The following GLYATL1 variants were observed in gnomAD, a reference collection of about 807,000 sequenced individuals.
GLYATL1 encodes glycine-N-acyltransferase like 1.
In GLYATL1, 15 loss-of-function variants were observed where a neutral mutation model predicts 20.0. The observed-to-expected ratio is 0.75, with a 90% CI of 0.50 to 1.15. The LOEUF is 1.15. Among genes scored for constraint, GLYATL1 ranks in the 50% most tolerant of loss-of-function variants. GLYATL1 has a pLI of 0.00. For missense variants in GLYATL1, 380 were observed against 368.5 expected (o/e 1.03, Z -0.26); for synonymous variants, 151 against 131.5 (o/e 1.15, Z -1.01).
upstream of GLYATL1, among the ~76,000 whole-genome samples, chr11:58,938,338 C>G (rs1855929788): frequency 6.6e-6 from 1 of 152,148 alleles, no homozygotes; most frequent in Non-Finnish European, 1.5e-5. Context: ...CATGATGGAC[C>G]TGCAAAGTCC....
rs866520606 is a variant in GLYATL1 at position 58,954,770 on chromosome 11, G to A, written c.187G>A (p.Glu63Lys). ...CCTGATCTTATATCATCCAATACAG[G>A]AGATGACTGATGACATGGATTCATA... ...QMVIIRPQKQ[E>K]MTDDMDSYTN... The change falls in exon 5 of 7, where the codon GAG (glutamate) becomes AAG (lysine). Residue 63 changes from glutamate (E) to lysine (K), a missense_variant and splice_region_variant. Coordinates refer to ENST00000532726, the MANE Select transcript of GLYATL1 (RefSeq NM_001389712.2). The A allele has an allele frequency of 6.2e-7, 1 of 1,602,414 alleles. No homozygotes were observed. Among genetic ancestry groups the A allele is most frequent in the South Asian group, 1.1e-5 (1 of 88,342 alleles).
At chr11:58,919,857 T>G (rs1855265878) in intron 1 of GLYATL1, among the ~76,000 whole-genome samples, 1 of 152,194 alleles carries the variant, frequency 6.6e-6, no homozygotes, top group Non-Finnish European at 1.5e-5. Flanking sequence ...CTAGCAATGT[T>G]TCTTGTGCCA....
chr11:58,909,488 C>G (rs924229649), downstream of GLYATL1, among the ~76,000 whole-genome samples: 2 of 152,150 alleles, frequency 1.3e-5, no homozygotes, highest in Admixed American at 1.3e-4. Flanking sequence ...TATCTCCACA[C>G]TCATCAAGTT....
Position 58,956,048 on chromosome 11 carries a change from T to A in GLYATL1, c.*21T>A, listed in dbSNP as rs546998355. The A allele has an allele frequency of 1.9e-6, 3 of 1,594,174 alleles. No homozygotes were observed. In the Admixed American group the frequency reaches 5.1e-5, roughly 27 times the overall value. On this transcript the variant is annotated 3_prime_UTR_variant, in exon 7 of 7. Coordinates refer to ENST00000532726, the MANE Select transcript of GLYATL1 (RefSeq NM_001389712.2). ...TTTAGACAATGAAGCTGCTTAGTAA[T>A]CTCTGCCAAGCCATCTCTTAATATT...
intron 4 of GLYATL1, among the ~76,000 whole-genome samples, chr11:58,953,390 G>GTT (rs377318573): frequency 0.015 from 1,628 of 110,876 alleles, 22 homozygotes; most frequent in Middle Eastern, 0.036. Context: ...CTTACAGTCT[G>GTT]TTTTTTTTTT....
At chr11:58,950,735 C>A (rs1267884249) in intron 4 of GLYATL1, among the ~76,000 whole-genome samples, 1 of 152,044 alleles carries the variant, frequency 6.6e-6, no homozygotes, top group Non-Finnish European at 1.5e-5. Context: ...GAATATTATC[C>A]CTCTTTTAAT....
upstream of GLYATL1, among the ~76,000 whole-genome samples, chr11:58,938,398 A>G (rs1434785488): frequency 6.6e-6 from 1 of 152,222 alleles, no homozygotes; most frequent in Non-Finnish European, 1.5e-5. Context: ...ACCTAGAATC[A>G]GAGATCTCTC....
Position 58,947,914 on chromosome 11 carries a change from G to C in GLYATL1, c.135G>C (p.Leu45=). The change falls in exon 4 of 7, where the codon CTG becomes CTC. Residue 45 remains leucine (L), a synonymous_variant. Transcript: ENST00000532726. ...GGAACCCCTTCAACATGGAGGTGCT[G>C]GTGGATTCCTGGCCTGAATATCAGA... ...NHGNPFNMEV[L]VDSWPEYQMV... is the part of the protein sequence containing the mutation. 2 of 1,614,046 alleles carry C rather than the reference G, an allele frequency of 1.2e-6. No individual in the cohort carries two copies. The highest frequency in any genetic ancestry group is 1.7e-6 in the Non-Finnish European group (2 of 1,179,968).
chr11:58,954,039 G>C (rs1402367522), intron 4 of GLYATL1, among the ~76,000 whole-genome samples: 4 of 152,148 alleles, frequency 2.6e-5, no homozygotes, highest in Non-Finnish European at 5.9e-5. Flanking sequence ...GTGGGCTTCT[G>C]GGTGTAAAGC....
chr11:58,945,772 CA>C (rs1038043121), intron 2 of GLYATL1, among the ~76,000 whole-genome samples: 23 of 152,004 alleles, frequency 1.5e-4, no homozygotes, highest in African/African-American at 5.3e-4. Flanking sequence ...CAGAGTCAGA[CA>C]GGGGATAGGC....
At chr11:58,942,966 T>C (rs1194276877) in intron 1 of GLYATL1, among the ~76,000 whole-genome samples, 2 of 152,180 alleles carry the variant, frequency 1.3e-5, no homozygotes, top group Admixed American at 6.5e-5. Flanking sequence ...AATTGACCAC[T>C]GGATTTAATA....
At chr11:58,954,214 G>A (rs1259546945) in intron 4 of GLYATL1, among the ~76,000 whole-genome samples, 1 of 152,162 alleles carries the variant, frequency 6.6e-6, no homozygotes, top group African/African-American at 2.4e-5. Context: ...CTAAAAATTA[G>A]AGAAATCACA....
intron 1 of GLYATL1, among the ~76,000 whole-genome samples, chr11:58,916,674 G>A (rs1050672504): frequency 6.6e-6 from 1 of 152,246 alleles, no homozygotes; most frequent in Non-Finnish European, 1.5e-5. Flanking sequence ...GTTTGGAAGT[G>A]AGGGAGTGAC....
intron 2 of GLYATL1, among the ~76,000 whole-genome samples, chr11:58,945,244 A>AT (rs966751909): frequency 2.0e-5 from 3 of 152,040 alleles, no homozygotes; most frequent in African/African-American, 4.8e-5. Context: ...CTTTACAACG[A>AT]TTTTTTTAAA....
chr11:58,910,903 GA>G (rs1049316924), downstream of GLYATL1, among the ~76,000 whole-genome samples: 2 of 152,124 alleles, frequency 1.3e-5, no homozygotes, highest in Admixed American at 1.3e-4. Flanking sequence ...CCAAATTCAA[GA>G]AGCAAAGCAG....
chr11:58,931,676 T>A (rs532865767), intron 1 of GLYATL1, among the ~76,000 whole-genome samples: 3 of 152,322 alleles, frequency 2.0e-5, no homozygotes, highest in African/African-American at 7.2e-5. Context: ...ATAAAAAGAT[T>A]AATAAACTTG....
At chr11:58,911,034 T>G (rs1337614331), downstream of GLYATL1, among the ~76,000 whole-genome samples, 4 of 152,232 alleles carry the variant, frequency 2.6e-5, no homozygotes, top group Non-Finnish European at 5.9e-5. Context: ...GTTACTCTAG[T>G]GTTGCCTTTT....
chr11:58,911,454 TGA>T (rs1022070643), downstream of GLYATL1, among the ~76,000 whole-genome samples: 6 of 152,350 alleles, frequency 3.9e-5, 1 homozygote, highest in African/African-American at 1.4e-4. Context: ...TACCAATGTG[TGA>T]GAGTTCCAGT....
chr11:58,938,845 C>A (rs949073873), upstream of GLYATL1, among the ~76,000 whole-genome samples: 1 of 152,136 alleles, frequency 6.6e-6, no homozygotes, highest in African/African-American at 2.4e-5. Flanking sequence ...AAGGAGTCTG[C>A]TCTGGAACTG....
Sources: allele counts gnomAD v4.1 joint callset (sites outside exome capture counted in the v4.1 genomes callset), GRCh38; gene constraint gnomAD v4.1.1; transcripts MANE v1.5; gene names NCBI Gene and HGNC (gene_info 2026-07-23, HGNC 2026-07-21).